GNB4: variants seen among roughly 807,000 people sequenced by gnomAD.
The protein encoded by GNB4 is guanine nucleotide-binding protein subunit beta-4.
A neutral mutation model predicts 45.2 loss-of-function variants in GNB4; 28 were observed. The observed-to-expected ratio is 0.62, with a 90% CI of 0.46 to 0.85. The LOEUF (loss-of-function observed/expected upper bound fraction) is 0.85. GNB4 is among the 40% of genes least tolerant of loss of function. The probability of loss-of-function intolerance (pLI) is 0.00; values close to 1 mark genes in which losing one functional copy is unlikely to be tolerated. For synonymous variants in GNB4, 132 were observed against 143.7 expected (o/e 0.92, Z 0.58); for missense variants, 321 against 425.4 (o/e 0.75, Z 2.16).
At chr3:179,495,469 C>G in the GNB4 span, among the ~76,000 whole-genome samples, 1 of 148,998 alleles carries the variant, frequency 6.7e-6, no homozygotes, top group South Asian at 2.1e-4. Context: ...GAGTGAGACC[C>G]CATCATGAAA....
the GNB4 span, among the ~76,000 whole-genome samples, chr3:179,468,652 T>C: frequency 6.6e-6 from 1 of 152,176 alleles, no homozygotes; most frequent in Admixed American, 6.6e-5. Context: ...AACCTTAAGA[T>C]GGACAAAGCA....
chr3:179,459,995 C>G, the GNB4 span, among the ~76,000 whole-genome samples: 4 of 152,250 alleles, frequency 2.6e-5, no homozygotes, highest in East Asian at 1.9e-4. Context: ...CTTTTCCCCT[C>G]TTTTCCCATT....
chr3:179,468,065 G>A, the GNB4 span, among the ~76,000 whole-genome samples: 30 of 103,392 alleles, frequency 2.9e-4, no homozygotes, highest in African/African-American at 1.0e-3. Flanking sequence ...AGGTGTGGTG[G>A]CACATGCCTG....
chr3:179,508,927 C>CATTTATATATATATATATAT, the GNB4 span, among the ~76,000 whole-genome samples: 1 of 30,324 alleles, frequency 3.3e-5, no homozygotes. Flanking sequence ...TCTCTTTCAG[C>CATTTATATATATATATATAT]ATGTGTATAT....
chr3:179,425,669 C>T (rs2108602432), intron 2 of GNB4, among the ~76,000 whole-genome samples: 1 of 152,188 alleles, frequency 6.6e-6, no homozygotes. Context: ...CAGAGTTTCA[C>T]CATGTTGGCC....
rs1440906446 is a variant in GNB4, at chr3:179,420,890, T to C, written c.95A>G (p.Gln32Arg). The C allele has an allele frequency of 1.9e-6, 3 of 1,583,542 alleles. No homozygotes were observed. The highest frequency in any genetic ancestry group is 2.7e-5 in the African/African-American group (2 of 73,948). The stretch of plus-strand genomic sequence containing the variant: ...AAATAAAGAAAAACAAAACTTTACC[T>C]GAACAAGCGTTGCATCATTACATGC... ...RKACNDATLV[Q>R]ITSNMDSVGR... Residue 32 changes from glutamine (Q) to arginine (R), a missense_variant and splice_region_variant, in exon 3 of 10, where the codon CAG becomes CGG. Physicochemically the swap from Gln to Arg is conservative, Grantham distance 43 (BLOSUM62 1). Transcript: ENST00000232564.
chr3:179,413,685 A>G (rs758775096), intron 7 of GNB4, 30 bp downstream of exon 7: 44 of 1,612,466 alleles, frequency 2.7e-5, no homozygotes, highest in Non-Finnish European at 3.5e-5. Flanking sequence ...CCTCAAACCC[A>G]TAATCAGTGT....
the GNB4 span, among the ~76,000 whole-genome samples, chr3:179,468,821 C>T: frequency 6.6e-6 from 1 of 152,138 alleles, no homozygotes; most frequent in African/African-American, 2.4e-5. Context: ...GAATCCTTTT[C>T]TCTTTCTGGG....
At chr3:179,405,630 A>T (rs1381787025) in intron 8 of GNB4, 1 of 451,174 alleles carries the variant, frequency 2.2e-6, no homozygotes, top group Non-Finnish European at 4.0e-6. Context: ...CCCATTGTTC[A>T]GAACACAGCA....
the GNB4 span, among the ~76,000 whole-genome samples, chr3:179,481,740 ACT>A: frequency 5.8e-3 from 885 of 152,302 alleles, 14 homozygotes; most frequent in African/African-American, 0.02. Context: ...TTTCTATCAC[ACT>A]GTTTAAATGT....
chr3:179,472,115 C>A, the GNB4 span, among the ~76,000 whole-genome samples: 1 of 151,640 alleles, frequency 6.6e-6, no homozygotes, highest in African/African-American at 2.4e-5. Context: ...GGTAAACTCA[C>A]AAAATGAAAA....
At chr3:179,496,847 T>C in the GNB4 span, among the ~76,000 whole-genome samples, 1 of 152,052 alleles carries the variant, frequency 6.6e-6, no homozygotes. Flanking sequence ...ATAAAGCAAA[T>C]GTTAAAGAAC....
chr3:179,522,264 C>T, the GNB4 span, among the ~76,000 whole-genome samples: 3 of 151,570 alleles, frequency 2.0e-5, no homozygotes, highest in Non-Finnish European at 4.4e-5. Flanking sequence ...AAAGCTCCCC[C>T]ACTGAGCACC....
intron 1 of GNB4, among the ~76,000 whole-genome samples, chr3:179,440,876 T>TAG (rs1358506608): frequency 8.9e-4 from 98 of 110,714 alleles, no homozygotes; most frequent in East Asian, 4.1e-3. Context: ...TATATATAGA[T>TAG]AGATAGAGAG....
chr3:179,400,004 A>T lies in GNB4; in HGVS notation c.*1209T>A, dbSNP rs1714238165. ...TAACTCCTTTAAGAACTGCTTTAGG[A>T]ATTTTTATTTTGGCTTTAAGTGGAA... On this transcript the variant is annotated 3_prime_UTR_variant, in exon 10 of 10. Coordinates refer to ENST00000232564, the MANE Select transcript of GNB4 (RefSeq NM_021629.4). 6.6e-6 allele frequency: 1 copy of T among 152,218 alleles called. No individual in the cohort carries two copies. The allele number at this position is 152,218 out of a possible 1,614,324, so 9.4% of individuals were successfully genotyped here. A position where few individuals can be genotyped will look rare whatever the true frequency, so the allele number is the denominator to read the frequency against.
the GNB4 span, among the ~76,000 whole-genome samples, chr3:179,508,604 A>G: frequency 2.0e-5 from 3 of 152,226 alleles, no homozygotes; most frequent in Non-Finnish European, 4.4e-5. Context: ...CATATCCAAA[A>G]GATAAAATTC....
chr3:179,439,186 G>T (rs960150394), intron 1 of GNB4, among the ~76,000 whole-genome samples: 3 of 152,140 alleles, frequency 2.0e-5, no homozygotes, highest in African/African-American at 7.2e-5. Flanking sequence ...GAGATCCACT[G>T]GTCTAAGCTC....
chr3:179,493,463 A>G, the GNB4 span, among the ~76,000 whole-genome samples: 1 of 152,006 alleles, frequency 6.6e-6, no homozygotes, highest in Non-Finnish European at 1.5e-5. Flanking sequence ...CTTCAACAGC[A>G]GACTTGATCA....
the GNB4 span, among the ~76,000 whole-genome samples, chr3:179,477,545 C>G: frequency 6.6e-6 from 1 of 152,122 alleles, no homozygotes; most frequent in African/African-American, 2.4e-5. Context: ...ACCTTTCTAT[C>G]CATACTTCTA....
Sources: allele counts gnomAD v4.1 joint callset (sites outside exome capture counted in the v4.1 genomes callset), GRCh38; gene constraint gnomAD v4.1.1; transcripts MANE v1.5; gene names NCBI Gene and HGNC (gene_info 2026-07-23, HGNC 2026-07-21).